The following IVNS1ABP variants were observed in gnomAD, a reference collection of about 807,000 sequenced individuals.
IVNS1ABP encodes the protein influenza virus NS1A binding protein.
In IVNS1ABP, 25 loss-of-function variants were observed where a neutral mutation model predicts 78.9. The ratio of observed to expected loss-of-function variants is 0.32; its 90% CI spans 0.23 to 0.44. The LOEUF is 0.44. Among genes scored for constraint, IVNS1ABP ranks in the 20% least tolerant of loss-of-function variants. The pLI is 1.00. For missense variants in IVNS1ABP, 494 were observed against 768.9 expected (o/e 0.64, Z 4.23); for synonymous variants, 241 against 259.7 (o/e 0.93, Z 0.69).
chr1:185,312,777 CAGAG>C (rs1464635580), intron 1 of IVNS1ABP, among the ~76,000 whole-genome samples: 1 of 152,128 alleles, frequency 6.6e-6, no homozygotes, highest in Non-Finnish European at 1.5e-5. Flanking sequence ...TCTTTCTACA[CAGAG>C]AGAACACACT....
intron 1 of IVNS1ABP, among the ~76,000 whole-genome samples, chr1:185,316,077 C>T (rs537275838): frequency 2.6e-5 from 4 of 152,218 alleles, no homozygotes; most frequent in Non-Finnish European, 5.9e-5. Flanking sequence ...CTGATACCTT[C>T]CTATCATCAA....
At chr1:185,309,357 T>G in intron 3 of IVNS1ABP, 26 bp downstream of exon 3, 1 of 1,462,128 alleles carries the variant, frequency 6.8e-7, no homozygotes, top group Non-Finnish European at 9.4e-7. Flanking sequence ...AAAAATTCTA[T>G]AAATTTTGAA....
At chr1:185,311,364 A>G in intron 1 of IVNS1ABP, 42 bp from the exon 2 acceptor site, 1 of 395,726 alleles carries the variant, frequency 2.5e-6, no homozygotes, top group Non-Finnish European at 4.5e-6. Context: ...CAGAATAATC[A>G]AAGACTGTCA....
intron 8 of IVNS1ABP, 95 bp from the exon 9 acceptor site, chr1:185,301,658 A>G: frequency 7.3e-7 from 1 of 1,369,922 alleles, no homozygotes; most frequent in Non-Finnish European, 1.0e-6. Flanking sequence ...AGTATCCTTC[A>G]CCTATATATG....
chr1:185,305,760 A>G lies in IVNS1ABP; in HGVS notation c.658-117T>C. The G allele has an allele frequency of 2.7e-6, 3 of 1,109,190 alleles. No individual in the cohort carries two copies. The highest frequency in any genetic ancestry group is 3.8e-6 in the Non-Finnish European group (3 of 790,086). 68.7% of individuals were successfully genotyped at this position (1,109,190 alleles called of 1,614,324 possible). On this transcript the variant is annotated intron_variant, in intron 7 of 14. Transcript: ENST00000367498. The surrounding 1 kb of genome is among the most constrained non-coding windows in gnomAD (Gnocchi z 4.0). ...CAGTGTGCTTCTTGAGCTTCTTGACATATTACTCTGGCAGGATCCGGAGGT... is the reference window on the plus strand; with the variant it reads ...CAGTGTGCTTCTTGAGCTTCTTGACGTATTACTCTGGCAGGATCCGGAGGT...
At chr1:185,311,953 T>A (rs143796805) in intron 1 of IVNS1ABP, among the ~76,000 whole-genome samples, 142 of 152,356 alleles carry the variant, frequency 9.3e-4, no homozygotes, top group African/African-American at 3.4e-3. Context: ...CTGGTCTGTT[T>A]CATGCTGTAT....
chr1:185,298,043 G>A lies in IVNS1ABP; in HGVS notation c.1921C>T (p.Gln641Ter). The A allele has an allele frequency of 1.2e-6, 2 of 1,613,070 alleles. No individual in the cohort carries two copies. Among genetic ancestry groups the A allele is most frequent in the Non-Finnish European group, 1.7e-6 (2 of 1,179,486 alleles). ...AGAGGGTCTTAAATTTGTTAAAACTGGAAAATCTTTGTATAGGGGCTCCAT... is the reference window on the plus strand; with the variant it reads ...AGAGGGTCTTAAATTTGTTAAAACTAGAAAATCTTTGTATAGGGGCTCCAT... ...NEWSPYTKIF[Q>*]F The change falls in exon 15 of 15, where the codon CAG becomes TAG. Residue 641 changes from glutamine (Q) to a stop codon, truncating the protein, a stop_gained. Coordinates refer to ENST00000367498, the MANE Select transcript of IVNS1ABP (RefSeq NM_006469.5). LOFTEE classifies it high-confidence loss of function. This position sits in a 1 kb window ranked among gnomAD's most constrained non-coding sequence, Gnocchi z 4.1.
At chr1:185,313,102 T>G (rs1167845066) in intron 1 of IVNS1ABP, among the ~76,000 whole-genome samples, 1 of 152,194 alleles carries the variant, frequency 6.6e-6, no homozygotes, top group Non-Finnish European at 1.5e-5. Flanking sequence ...ACTTACTATA[T>G]TTGACAAATT....
At chr1:185,306,865 A>AC (rs538002050) in intron 7 of IVNS1ABP, 149 bp downstream of exon 7, 2 of 839,196 alleles carry the variant, frequency 2.4e-6, no homozygotes. Context: ...TCACCTGGAC[A>AC]CCCCCCCTGT....
rs566602442 is a variant in IVNS1ABP, at chr1:185,311,166, G to T, written c.-90C>A. 1.1e-3 allele frequency: 419 copies of T among 383,308 alleles called. No individual in the cohort carries two copies. The highest frequency in any genetic ancestry group is 7.6e-3 in the African/African-American group (370 of 48,406). 23.7% of individuals were successfully genotyped at this position (383,308 alleles called of 1,614,324 possible). ...CAAGGACAAAGGAGTGTTAAAAGGTGCACTTCGTCAGGGTATGAAGACAGG... is the reference window on the plus strand; with the variant it reads ...CAAGGACAAAGGAGTGTTAAAAGGTTCACTTCGTCAGGGTATGAAGACAGG... On this transcript the variant is annotated 5_prime_UTR_variant, in exon 2 of 15. Transcript: ENST00000367498.
chr1:185,306,448 A>G (rs549225669), intron 7 of IVNS1ABP: 8 of 1,285,714 alleles, frequency 6.2e-6, no homozygotes, highest in Non-Finnish European at 8.1e-6. Context: ...AAAAACACAC[A>G]GCTTTAAAGA....
intron 1 of IVNS1ABP, among the ~76,000 whole-genome samples, chr1:185,314,895 G>T (rs797003874): frequency 3.0e-4 from 46 of 152,296 alleles, no homozygotes; most frequent in African/African-American, 1.1e-3. Context: ...GGTTTGAGAC[G>T]TTCTAATGCT....
At chr1:185,316,662 C>G (rs886229180) in intron 1 of IVNS1ABP, among the ~76,000 whole-genome samples, 3 of 152,226 alleles carry the variant, frequency 2.0e-5, no homozygotes, top group African/African-American at 7.2e-5. Flanking sequence ...CTGCCTCACC[C>G]GCGCCAGTGT....
chr1:185,314,745 G>A (rs1665970985), intron 1 of IVNS1ABP, among the ~76,000 whole-genome samples: 1 of 152,144 alleles, frequency 6.6e-6, no homozygotes, highest in Admixed American at 6.5e-5. Flanking sequence ...TTTTATCTTA[G>A]ATATGTGGCA....
intron 1 of IVNS1ABP, among the ~76,000 whole-genome samples, chr1:185,315,837 C>G (rs920177640): frequency 6.6e-6 from 1 of 152,174 alleles, no homozygotes; most frequent in Non-Finnish European, 1.5e-5. Context: ...GAGTTGTCAT[C>G]TATTAGTAGA....
chr1:185,306,360 C>CGT, intron 7 of IVNS1ABP: 1 of 753,622 alleles, frequency 1.3e-6, no homozygotes, highest in South Asian at 1.8e-5. Context: ...ACCATTTCTC[C>CGT]ATCAATTTTA....
Position 185,298,490 on chromosome 1 carries a change from A to T in IVNS1ABP, c.1676-202T>A. On this transcript the variant is annotated intron_variant, in intron 14 of 14. Transcript: ENST00000367498. This position sits in a 1 kb window ranked among gnomAD's most constrained non-coding sequence, Gnocchi z 4.1. ...TCAAATCAATAAAAAAACCATTCCCACGTGGAACTTAGGCAACTTAAAAGG... is the reference window on the plus strand; with the variant it reads ...TCAAATCAATAAAAAAACCATTCCCTCGTGGAACTTAGGCAACTTAAAAGG... The T allele has an allele frequency of 1.7e-6, 1 of 572,022 alleles. No individual in the cohort carries two copies. The allele number at this position is 572,022 out of a possible 1,614,324, so 35.4% of individuals were successfully genotyped here.
In IVNS1ABP at chr1:185,305,337, G is replaced by T. The variant is rs575074907; in HGVS notation, c.765+199C>A. 1.3e-5 allele frequency among the ~76,000 whole-genome samples: 2 copies of T among 152,074 alleles called. No homozygotes were observed. The highest frequency in any genetic ancestry group is 2.1e-4 in the South Asian group (1 of 4,822). On this transcript the variant is annotated intron_variant, in intron 8 of 14. Coordinates refer to ENST00000367498, the MANE Select transcript of IVNS1ABP (RefSeq NM_006469.5). The surrounding 1 kb of genome is among the most constrained non-coding windows in gnomAD (Gnocchi z 4.0). ...TTTATGAGAAAAAAATTTCAATAGG[G>T]TTTCCTAATTTGTTAATATCTTTTC...
chr1:185,310,348 C>G (rs1452711437), intron 2 of IVNS1ABP, among the ~76,000 whole-genome samples: 2 of 152,140 alleles, frequency 1.3e-5, no homozygotes, highest in Non-Finnish European at 2.9e-5. Flanking sequence ...TGGCTCACAC[C>G]TGTAATCCCA....
Sources: allele counts gnomAD v4.1 joint callset (sites outside exome capture counted in the v4.1 genomes callset), GRCh38; gene constraint gnomAD v4.1.1; non-coding constraint Gnocchi (gnomAD v3.1); transcripts MANE v1.5; gene names NCBI Gene and HGNC (gene_info 2026-07-23, HGNC 2026-07-21).